The following IL23R variants were observed in gnomAD, a reference collection of about 807,000 sequenced individuals.
IL23R encodes the protein interleukin-23 receptor.
In IL23R, 34 loss-of-function variants were observed where a neutral mutation model predicts 56.9. The ratio of observed to expected loss-of-function variants is 0.60; its 90% CI spans 0.45 to 0.80. The LOEUF (loss-of-function observed/expected upper bound fraction) is 0.80. IL23R is among the 30% of genes least tolerant of loss of function. IL23R has a pLI of 0.00. For missense variants in IL23R, 635 were observed against 730.0 expected, an observed-to-expected ratio of 0.87 and a Z score of 1.50; for synonymous variants, 230 against 249.2, an observed-to-expected ratio of 0.92 and a Z score of 0.73.
chr1:67,186,146 T>C (rs1647311443), intron 4 of IL23R, among the ~76,000 whole-genome samples: 1 of 152,130 alleles, frequency 6.6e-6, no homozygotes, highest in African/African-American at 2.4e-5. Context: ...AAGTCAACTT[T>C]AGGAATGTGA....
intron 6 of IL23R, chr1:67,207,625 T>C (rs1315655565): frequency 5.0e-6 from 2 of 403,822 alleles, no homozygotes; most frequent in African/African-American, 4.2e-5. Context: ...CCTCATTTTC[T>C]CTTGCCACCA....
chr1:67,248,321 C>A (rs914708101), intron 9 of IL23R, among the ~76,000 whole-genome samples: 1 of 152,094 alleles, frequency 6.6e-6, no homozygotes, highest in African/African-American at 2.4e-5. Context: ...TCTTTTCATT[C>A]TTTTTTCTCT....
At chr1:67,196,653 T>C (rs189689801) in intron 4 of IL23R, among the ~76,000 whole-genome samples, 4 of 152,208 alleles carry the variant, frequency 2.6e-5, no homozygotes, top group African/African-American at 9.7e-5. Flanking sequence ...AGTTTCATGA[T>C]GTAATGCAAT....
chr1:67,149,884 A>G (rs12073694), intron 1 of IL23R, among the ~76,000 whole-genome samples: 4,595 of 152,284 alleles, frequency 0.03, 239 homozygotes, highest in African/African-American at 0.11. Flanking sequence ...TTCATGGTAT[A>G]TACAGTTAAC....
Position 67,169,367 on chromosome 1 carries a change from C to T in IL23R, c.96C>T (p.Gly32=). 6.2e-7 allele frequency: 1 copy of T among 1,611,934 alleles called. No homozygotes were observed. The highest frequency in any genetic ancestry group is 8.5e-7 in the Non-Finnish European group (1 of 1,178,500). Residue 32 remains glycine (G), a synonymous_variant, in exon 3 of 11, where the codon GGC becomes GGT. Transcript: ENST00000347310. ...HGGITNINCS[G]HIWVEPATIF... is the part of the protein sequence containing the mutation. Reference sequence around the variant, plus strand: ...GAATTACAAATATAAACTGCTCTGGCCACATCTGGGTAGAACCAGCCACAA... The same window carrying T: ...GAATTACAAATATAAACTGCTCTGGTCACATCTGGGTAGAACCAGCCACAA...
rs995219905 is a variant in IL23R at position 67,200,830 on chromosome 1, G to C, written c.585G>C (p.Trp195Cys). The stretch of plus-strand genomic sequence containing the variant: ...AAGGTGGCAAGAAGTACTTGGTTTG[G>C]GTCCAAGCAGCAAACGCACTAGGCA... ...SLQGGKKYLV[W>C]VQAANALGME... is the part of the protein sequence containing the mutation. Residue 195 changes from tryptophan (W) to cysteine (C), a missense_variant, in exon 5 of 11, where the codon TGG becomes TGC. Trp to Cys is a radical substitution (Grantham distance 215, BLOSUM62 -2). Coordinates refer to ENST00000347310, the MANE Select transcript of IL23R (RefSeq NM_144701.3). The C allele has an allele frequency of 6.2e-7, 1 of 1,613,878 alleles. No homozygotes were observed. Among genetic ancestry groups the C allele is most frequent in the African/African-American group, 1.3e-5 (1 of 74,846 alleles).
intron 9 of IL23R, among the ~76,000 whole-genome samples, chr1:67,252,965 C>CA (rs1424169588): frequency 6.6e-6 from 1 of 152,210 alleles, no homozygotes; most frequent in Admixed American, 6.5e-5. Flanking sequence ...GGCCAAGACT[C>CA]AGTTACTGTT....
intron 1 of IL23R, among the ~76,000 whole-genome samples, chr1:67,140,715 A>G (rs188345768): frequency 2.0e-3 from 299 of 152,302 alleles, no homozygotes; most frequent in African/African-American, 6.8e-3. Flanking sequence ...CAAAACTTGT[A>G]ACGATGATTT....
chr1:67,182,840 G>A lies in IL23R; in HGVS notation c.372G>A (p.Pro124=), dbSNP rs143803981. ...AAGTGTTATGTTTTGTTGCAGATCC[G>A]CCAGATATTCCTGATGAAGTAACCT... is the stretch of plus-strand genomic sequence containing the variant. ...ICGKDISSGY[P]PDIPDEVTCV... is the part of the protein sequence containing the mutation. The change falls in exon 4 of 11, where the codon CCG becomes CCA. Residue 124 remains proline (P), a synonymous_variant. Coordinates refer to ENST00000347310, the MANE Select transcript of IL23R (RefSeq NM_144701.3). The A allele has an allele frequency of 3.3e-4, 538 of 1,613,818 alleles. 3 individuals carry two copies. The African/African-American group carries it at 5.1e-3, about 15-fold the overall frequency.
intron 6 of IL23R, among the ~76,000 whole-genome samples, chr1:67,213,300 C>A (rs2102650162): frequency 6.6e-6 from 1 of 152,292 alleles, no homozygotes; most frequent in East Asian, 1.9e-4. Flanking sequence ...TAGCTACAAG[C>A]CTGGAATAGT....
chr1:67,207,001 T>G lies in IL23R; in HGVS notation c.744T>G (p.Ile248Met). The change falls in exon 6 of 11, where the codon ATT (isoleucine) becomes ATG (methionine). Residue 248 changes from isoleucine to methionine, a missense_variant. Coordinates refer to ENST00000347310, the MANE Select transcript of IL23R (RefSeq NM_144701.3). ...TIIYWDSQTT[I>M]EKVSCEMRYK... ...TTTATTGGGATAGTCAAACAACAATTGAAAAGGTTTCCTGTGAAATGAGAT... is the reference window on the plus strand; with the variant it reads ...TTTATTGGGATAGTCAAACAACAATGGAAAAGGTTTCCTGTGAAATGAGAT... 6.2e-7 allele frequency: 1 copy of G among 1,612,694 alleles called. No individual in the cohort carries two copies. The highest frequency in any genetic ancestry group is 8.5e-7 in the Non-Finnish European group (1 of 1,179,484).
intron 7 of IL23R, among the ~76,000 whole-genome samples, chr1:67,233,642 A>G (rs941148280): frequency 1.3e-5 from 2 of 152,172 alleles, no homozygotes; most frequent in Non-Finnish European, 2.9e-5. Context: ...CCACAGGCAC[A>G]TTGTCTTCTT....
chr1:67,259,965 G>GAAAAAAAAAA (rs372460431), exon 11 of IL23R: 2 of 76,074 alleles, frequency 2.6e-5, no homozygotes, highest in African/African-American at 1.2e-4. Context: ...ACTCTGTCTG[G>GAAAAAAAAAA]AAAAAAAAAA....
intron 5 of IL23R, among the ~76,000 whole-genome samples, chr1:67,206,683 T>A (rs1649089276): frequency 6.6e-6 from 1 of 152,036 alleles, no homozygotes; most frequent in Non-Finnish European, 1.5e-5. Flanking sequence ...GTTCAGTTTT[T>A]TTTTTTTTAA....
At chr1:67,170,634 A>T (rs1459934230) in intron 3 of IL23R, among the ~76,000 whole-genome samples, 1 of 152,120 alleles carries the variant, frequency 6.6e-6, no homozygotes, top group Non-Finnish European at 1.5e-5. Flanking sequence ...CACTGTTTTA[A>T]CTCAGATATT....
intron 5 of IL23R, among the ~76,000 whole-genome samples, chr1:67,201,727 G>T (rs1392864613): frequency 6.6e-6 from 1 of 151,998 alleles, no homozygotes; most frequent in East Asian, 1.9e-4. Flanking sequence ...ATAGAAAATT[G>T]CAGAGAATTA....
In IL23R at chr1:67,177,533, A is replaced by G. The variant is rs970749467; in HGVS notation, c.368-5303A>G. On this transcript the variant is annotated intron_variant, in intron 3 of 10. Coordinates refer to ENST00000347310, the MANE Select transcript of IL23R (RefSeq NM_144701.3). ...CTGGATATTAGCCCTTTGTCAGATG[A>G]GTAGATTGCAAAAATTTTCTCCCAT... is the stretch of plus-strand genomic sequence containing the variant. Among the ~76,000 whole-genome samples the G allele has an allele frequency of 5.3e-5, 8 of 151,756 alleles. No homozygotes were observed. The South Asian group carries it at 1.2e-3, about 24-fold the overall frequency.
intron 4 of IL23R, among the ~76,000 whole-genome samples, chr1:67,185,694 T>C (rs1647285810): frequency 6.6e-6 from 1 of 152,184 alleles, no homozygotes; most frequent in Non-Finnish European, 1.5e-5. Flanking sequence ...ACGTAGAAAC[T>C]AGACAGATTT....
At chr1:67,190,251 G>A (rs889667757) in intron 4 of IL23R, among the ~76,000 whole-genome samples, 5 of 152,080 alleles carry the variant, frequency 3.3e-5, no homozygotes, top group South Asian at 2.1e-4. Flanking sequence ...GGCAACATAG[G>A]TGCCATCACA....
Sources: gnomAD v4.1 joint callset for allele counts (sites outside exome capture counted in the v4.1 genomes callset) on GRCh38, gnomAD v4.1.1 for gene constraint, MANE v1.5 for transcripts, NCBI Gene and HGNC (gene_info 2026-07-23, HGNC 2026-07-21) for gene names.